Variants in FAM163A observed in about 807,000 individuals in gnomAD.
The protein encoded by FAM163A is protein FAM163A.
A neutral mutation model predicts 12.0 loss-of-function variants in FAM163A; 7 were observed. That is an observed-to-expected ratio of 0.58 (90% CI 0.33 to 1.10). The LOEUF is 1.10. Among genes scored for constraint, FAM163A ranks in the 50% least tolerant of loss-of-function variants. The pLI is 0.03. For synonymous variants in FAM163A, 101 were observed against 91.0 expected (o/e 1.11, Z -0.62); for missense variants, 202 against 218.6 (o/e 0.92, Z 0.48).
rs372609404 is a variant in FAM163A at position 179,813,731 on chromosome 1, C to A, written c.94-48C>A. ...TGTGCACGCTCAAAAATGCATGGGG[C>A]GGGGGGAGCATTCACCCTCTCAGGC... is the stretch of plus-strand genomic sequence containing the variant. On this transcript the variant is annotated intron_variant, in intron 4 of 4. Coordinates refer to ENST00000341785, the MANE Select transcript of FAM163A (RefSeq NM_173509.3). 7 of 1,602,808 alleles carry A rather than the reference C, an allele frequency of 4.4e-6. No individual in the cohort carries two copies. In the East Asian group the frequency reaches 6.7e-5, roughly 15 times the overall value.
the FAM163A span, among the ~76,000 whole-genome samples, chr1:179,737,904 C>T: frequency 4.6e-5 from 7 of 151,968 alleles, no homozygotes; most frequent in African/African-American, 1.7e-4. Flanking sequence ...CTATGTGTAT[C>T]ACCTTGATTT....
At chr1:179,813,222 C>A in intron 4 of FAM163A, 32 bp downstream of exon 4, 1 of 1,540,102 alleles carries the variant, frequency 6.5e-7, no homozygotes, top group Non-Finnish European at 8.8e-7. Context: ...CCAGAGGCTG[C>A]CAGGCCACCA....
intron 1 of FAM163A, among the ~76,000 whole-genome samples, chr1:179,786,899 G>A (rs2148218032): frequency 6.6e-6 from 1 of 152,254 alleles, no homozygotes; most frequent in South Asian, 2.1e-4. Flanking sequence ...TCTGGCAGTG[G>A]AATGAGCTGG....
At chr1:179,787,143 A>G (rs1690745559) in intron 1 of FAM163A, among the ~76,000 whole-genome samples, 1 of 152,252 alleles carries the variant, frequency 6.6e-6, no homozygotes, top group African/African-American at 2.4e-5. Flanking sequence ...TGGTCATGGA[A>G]CAAGTGGTAT....
At chr1:179,764,400 G>A (rs72708622) in intron 1 of FAM163A, among the ~76,000 whole-genome samples, 16,729 of 152,196 alleles carry the variant, frequency 0.11, 1,032 homozygotes, top group Non-Finnish European at 0.13. Flanking sequence ...TCAAAGTCTC[G>A]TGGATAGACT....
chr1:179,810,495 C>A (rs1694561651), intron 2 of FAM163A, among the ~76,000 whole-genome samples: 1 of 152,222 alleles, frequency 6.6e-6, no homozygotes, highest in African/African-American at 2.4e-5. Flanking sequence ...AGATCCCTCG[C>A]AGTTCCTGGA....
chr1:179,806,195 G>A (rs1693913249), intron 1 of FAM163A, among the ~76,000 whole-genome samples: 3 of 152,184 alleles, frequency 2.0e-5, no homozygotes, highest in Admixed American at 6.5e-5. Context: ...TGTACAGTCT[G>A]TGCACAGCCA....
intron 1 of FAM163A, among the ~76,000 whole-genome samples, chr1:179,748,024 T>C (rs917735737): frequency 1.3e-5 from 2 of 151,862 alleles, no homozygotes; most frequent in African/African-American, 4.8e-5. Flanking sequence ...CAGACACCAG[T>C]GGTGTGGAAG....
intron 1 of FAM163A, among the ~76,000 whole-genome samples, chr1:179,754,088 A>G (rs1325120078): frequency 1.3e-5 from 2 of 152,142 alleles, no homozygotes; most frequent in East Asian, 1.9e-4. Flanking sequence ...ACATCTCTGT[A>G]TCTATCACTT....
At chr1:179,746,395 A>G (rs1684463692) in intron 1 of FAM163A, among the ~76,000 whole-genome samples, 1 of 152,244 alleles carries the variant, frequency 6.6e-6, no homozygotes, top group Non-Finnish European at 1.5e-5. Context: ...CCAGAGAGTC[A>G]AATAGCGTCC....
At chr1:179,783,747 T>TA (rs1557940183) in intron 1 of FAM163A, among the ~76,000 whole-genome samples, 13 of 85,322 alleles carry the variant, frequency 1.5e-4, no homozygotes, top group African/African-American at 9.0e-4. Context: ...AGCCCAAATA[T>TA]TATATATATA....
chr1:179,813,087 G>C lies in FAM163A; in HGVS notation c.-11G>C. The stretch of plus-strand genomic sequence containing the variant: ...GCACATCTTTGCAGAGTTTGATGGG[G>C]CGCCGGGCGGATGACAGCGGGAACG... On this transcript the variant is annotated 5_prime_UTR_variant, in exon 4 of 5. Coordinates refer to ENST00000341785, the MANE Select transcript of FAM163A (RefSeq NM_173509.3). The C allele has an allele frequency of 6.4e-7, 1 of 1,551,664 alleles. No homozygotes were observed. Among genetic ancestry groups the C allele is most frequent in the South Asian group, 1.2e-5 (1 of 84,070 alleles).
At position 179,799,764 on chromosome 1, in the gene FAM163A, C is replaced by A. The variant is rs115094811; in HGVS notation, c.-135-8034C>A. Among the ~76,000 whole-genome samples, 501 of 152,310 alleles carry A rather than the reference C, an allele frequency of 3.3e-3. 2 individuals are homozygous for A. The highest frequency in any genetic ancestry group is 0.012 in the African/African-American group (488 of 41,560). ...CAGCACTGGCCTCTCTGAAGCAGAGCAGACAGACCTGTGATCAGAACTTCA... is the reference window on the plus strand; with the variant it reads ...CAGCACTGGCCTCTCTGAAGCAGAGAAGACAGACCTGTGATCAGAACTTCA... On this transcript the variant is annotated intron_variant, in intron 1 of 4. Transcript: ENST00000341785.
At chr1:179,780,870 A>G (rs942473616) in intron 1 of FAM163A, among the ~76,000 whole-genome samples, 4 of 152,228 alleles carry the variant, frequency 2.6e-5, no homozygotes, top group Non-Finnish European at 1.5e-5. Flanking sequence ...CCAGACTTTC[A>G]TCACAGAATC....
At chr1:179,791,506 C>T (rs913680574) in intron 1 of FAM163A, among the ~76,000 whole-genome samples, 3 of 152,104 alleles carry the variant, frequency 2.0e-5, no homozygotes, top group African/African-American at 7.2e-5. Context: ...GTTCACACTG[C>T]ATGTACATGA....
rs775220907 is a variant in FAM163A, at chr1:179,814,218, CCACACTG to C, written c.*31_*37del. 53 of 1,570,244 alleles carry C rather than the reference CCACACTG, an allele frequency of 3.4e-5. No individual in the cohort carries two copies. The highest frequency in any genetic ancestry group is 1.1e-4 in the Admixed American group (6 of 55,672). On this transcript the variant is annotated 3_prime_UTR_variant, in exon 5 of 5. Coordinates refer to ENST00000341785, the MANE Select transcript of FAM163A (RefSeq NM_173509.3). ...CTTCCACCCCGACCCGCACACACAC[CCACACTG>C]CTGCCCTGGCGGGGGCCATGGGGGT...
rs1043164416 is a variant in FAM163A, at chr1:179,816,138, G to A, written c.*1949G>A. On this transcript the variant is annotated 3_prime_UTR_variant, in exon 5 of 5. Transcript: ENST00000341785. ...TGTATTTACCCAACTCTGATCTTGC[G>A]TGCAGGGATGCTTGCTGATGGATGA... The A allele has an allele frequency of 2.6e-5, 4 of 152,222 alleles. No homozygotes were observed. Among genetic ancestry groups the A allele is most frequent in the Non-Finnish European group, 4.4e-5 (3 of 68,036 alleles). The allele number at this position is 152,222 out of a possible 1,614,324, so 9.4% of individuals were successfully genotyped here. A position where few individuals can be genotyped will look rare whatever the true frequency, so the allele number is the denominator to read the frequency against.
In FAM163A at chr1:179,765,677, ATTTTTT is replaced by A. The variant is rs749528573; in HGVS notation, c.-136+22271_-136+22276del. The stretch of plus-strand genomic sequence containing the variant: ...CTGGTTAAGGAATTGAGCTTTGGGA[ATTTTTT>A]TTTTTTTTTTTTTTTTGCTGATTTT... On this transcript the variant is annotated intron_variant, in intron 1 of 4. Coordinates refer to ENST00000341785, the MANE Select transcript of FAM163A (RefSeq NM_173509.3). Among the ~76,000 whole-genome samples, 13 of 127,230 alleles carry A rather than the reference ATTTTTT, an allele frequency of 1.0e-4. 1 individual carries two copies. Among genetic ancestry groups the A allele is most frequent in the Admixed American group, 3.2e-4 (4 of 12,552 alleles). The allele number at this position is 127,230 out of a possible 152,430, so 83.5% of individuals were successfully genotyped here.
At chr1:179,788,511 G>A (rs1690966449) in intron 1 of FAM163A, among the ~76,000 whole-genome samples, 1 of 152,162 alleles carries the variant, frequency 6.6e-6, no homozygotes, top group East Asian at 1.9e-4. Context: ...GATCACTAAT[G>A]GGCTGAGTCC....
Sources: allele counts gnomAD v4.1 joint callset (sites outside exome capture counted in the v4.1 genomes callset), GRCh38; gene constraint gnomAD v4.1.1; transcripts MANE v1.5; gene names NCBI Gene and HGNC (gene_info 2026-07-23, HGNC 2026-07-21).